MARCHF4: variants seen among roughly 807,000 people sequenced by gnomAD.
MARCHF4 encodes the protein membrane associated ring-CH-type finger 4.
A neutral mutation model predicts 43.9 loss-of-function variants in MARCHF4; 14 were observed. That is an observed-to-expected ratio of 0.32 (90% CI 0.21 to 0.50). The LOEUF (loss-of-function observed/expected upper bound fraction) is 0.50, where lower values mean the gene tolerates loss of function less well. Among genes scored for constraint, MARCHF4 ranks in the 20% least tolerant of loss-of-function variants. The pLI, the probability that MARCHF4 is intolerant of heterozygous loss-of-function variation, is 0.98. For synonymous variants in MARCHF4, 226 were observed against 213.3 expected (o/e 1.06, Z -0.52); for missense variants, 468 against 536.7 (o/e 0.87, Z 1.27).
chr2:216,346,176 T>C (rs998378332), intron 1 of MARCHF4, among the ~76,000 whole-genome samples: 1 of 152,174 alleles, frequency 6.6e-6, no homozygotes, highest in African/African-American at 2.4e-5. Context: ...TCTTGGGAAA[T>C]CTGTCAGTTC....
intron 1 of MARCHF4, among the ~76,000 whole-genome samples, chr2:216,319,176 C>T (rs992159096): frequency 8.6e-5 from 13 of 151,930 alleles, no homozygotes; most frequent in African/African-American, 1.5e-4. Context: ...AGTGTGGTGG[C>T]GGGTGCCTGT....
intron 1 of MARCHF4, among the ~76,000 whole-genome samples, chr2:216,313,582 G>A (rs1181563868): frequency 6.6e-6 from 1 of 152,184 alleles, no homozygotes; most frequent in Non-Finnish European, 1.5e-5. Context: ...GGTGGCACTT[G>A]AAACTTTACT....
intron 1 of MARCHF4, among the ~76,000 whole-genome samples, chr2:216,295,522 C>T (rs979063709): frequency 6.6e-6 from 1 of 152,150 alleles, no homozygotes; most frequent in South Asian, 2.1e-4. Flanking sequence ...GTTCTTAGGA[C>T]CCTGTCTGAA....
intron 1 of MARCHF4, among the ~76,000 whole-genome samples, chr2:216,334,721 T>C (rs1692133543): frequency 6.6e-6 from 1 of 152,198 alleles, no homozygotes. Flanking sequence ...GCCTGGTTTA[T>C]AGCTATTTAT....
rs1692742328 is a variant in MARCHF4 at position 216,370,470 on chromosome 2, C to A, written c.-210G>T. 1.1e-5 allele frequency: 5 copies of A among 464,426 alleles called. No individual in the cohort carries two copies. Among genetic ancestry groups the A allele is most frequent in the Middle Eastern group, 5.5e-4 (1 of 1,826 alleles). 28.8% of individuals were successfully genotyped at this position (464,426 alleles called of 1,614,324 possible). A position where few individuals can be genotyped will look rare whatever the true frequency, so the allele number is the denominator to read the frequency against. ...GGTTCTGAACTCCACCTGGAAAGCC[C>A]AATAACAAAAAAGTTTTTCTTGCCC... On this transcript the variant is annotated 5_prime_UTR_variant, in exon 1 of 4. Coordinates refer to ENST00000273067, the MANE Select transcript of MARCHF4 (RefSeq NM_020814.3).
intron 1 of MARCHF4, among the ~76,000 whole-genome samples, chr2:216,329,176 C>G (rs1037744979): frequency 6.6e-5 from 10 of 152,104 alleles, no homozygotes; most frequent in Admixed American, 6.6e-4. Flanking sequence ...GTCAGGAGAT[C>G]GAGACCATCC....
At chr2:216,313,783 T>C (rs1238284626) in intron 1 of MARCHF4, among the ~76,000 whole-genome samples, 1 of 152,234 alleles carries the variant, frequency 6.6e-6, no homozygotes, top group East Asian at 1.9e-4. Flanking sequence ...GAATATTGTA[T>C]GAAACACATT....
chr2:216,284,722 A>G (rs991332195), intron 1 of MARCHF4, among the ~76,000 whole-genome samples: 1 of 152,108 alleles, frequency 6.6e-6, no homozygotes, highest in Non-Finnish European at 1.5e-5. Flanking sequence ...GTAATCATGC[A>G]CTTGGCTGCA....
At chr2:216,369,670 G>C in intron 1 of MARCHF4, 75 bp downstream of exon 1, 1 of 1,233,882 alleles carries the variant, frequency 8.1e-7, no homozygotes, top group East Asian at 2.4e-5. Context: ...CCGTTCCCCA[G>C]GGCAAGCAGG....
chr2:216,357,017 T>C (rs1454607620), intron 1 of MARCHF4, among the ~76,000 whole-genome samples: 6 of 150,876 alleles, frequency 4.0e-5, no homozygotes, highest in African/African-American at 9.8e-5. Flanking sequence ...AGCGAGACTC[T>C]GTCTCAAAAA....
chr2:216,271,181 C>CA (rs1177342848), intron 3 of MARCHF4, among the ~76,000 whole-genome samples: 1 of 152,202 alleles, frequency 6.6e-6, no homozygotes, highest in Non-Finnish European at 1.5e-5. Context: ...CCAACTGCTC[C>CA]AAGCCCCTTG....
At chr2:216,342,452 C>T (rs1263848456) in intron 1 of MARCHF4, among the ~76,000 whole-genome samples, 1 of 152,168 alleles carries the variant, frequency 6.6e-6, no homozygotes, top group Non-Finnish European at 1.5e-5. Context: ...TTCTGTGCTC[C>T]AGTCGGCATG....
intron 1 of MARCHF4, among the ~76,000 whole-genome samples, chr2:216,309,265 G>C (rs893257807): frequency 6.6e-6 from 1 of 152,220 alleles, no homozygotes; most frequent in Non-Finnish European, 1.5e-5. Context: ...AACAGAATAA[G>C]ACAGGTGAAA....
intron 1 of MARCHF4, among the ~76,000 whole-genome samples, chr2:216,332,903 G>A (rs1484451128): frequency 2.0e-5 from 3 of 152,180 alleles, no homozygotes; most frequent in Non-Finnish European, 4.4e-5. Flanking sequence ...TGAAATGGTA[G>A]GGTGGTGAGG....
chr2:216,276,877 C>T (rs1691032511), intron 3 of MARCHF4, among the ~76,000 whole-genome samples: 1 of 152,080 alleles, frequency 6.6e-6, no homozygotes, highest in African/African-American at 2.4e-5. Flanking sequence ...AAGACCCAGC[C>T]CGCAACCACC....
chr2:216,347,533 G>A (rs1692340126), intron 1 of MARCHF4, among the ~76,000 whole-genome samples: 1 of 152,054 alleles, frequency 6.6e-6, no homozygotes, highest in African/African-American at 2.4e-5. Flanking sequence ...ATGCCGACCA[G>A]CCTGGCAAAG....
intron 1 of MARCHF4, among the ~76,000 whole-genome samples, chr2:216,305,167 G>A (rs1691563302): frequency 6.6e-6 from 1 of 152,136 alleles, no homozygotes; most frequent in Admixed American, 6.5e-5. Context: ...GCTGCAGGAG[G>A]GCAGGACTAT....
intron 2 of MARCHF4, 78 bp downstream of exon 2, chr2:216,283,496 T>C: frequency 6.8e-7 from 1 of 1,474,768 alleles, no homozygotes; most frequent in Non-Finnish European, 9.1e-7. Context: ...GAATCTAAGG[T>C]GAAGTAAGCC....
chr2:216,302,853 G>T (rs980104305), intron 1 of MARCHF4, among the ~76,000 whole-genome samples: 3 of 132,436 alleles, frequency 2.3e-5, no homozygotes, highest in Non-Finnish European at 4.5e-5. Flanking sequence ...AGCCAAGATA[G>T]CACCACTGCA....
Sources: allele counts gnomAD v4.1 joint callset (sites outside exome capture counted in the v4.1 genomes callset), GRCh38; gene constraint gnomAD v4.1.1; transcripts MANE v1.5; gene names NCBI Gene and HGNC (gene_info 2026-07-23, HGNC 2026-07-21).